Variants in ITSN2 observed in about 807,000 individuals in gnomAD.
The protein encoded by ITSN2 is intersectin-2.
ITSN2 carries 156 observed loss-of-function variants against 243.7 expected under a neutral mutation model. The ratio of observed to expected loss-of-function variants is 0.64; its 90% CI spans 0.56 to 0.73. The LOEUF (loss-of-function observed/expected upper bound fraction) is 0.73. ITSN2 is among the 30% of genes least tolerant of loss of function. The pLI is 0.00. For synonymous variants in ITSN2, 703 were observed against 699.9 expected, an observed-to-expected ratio of 1.00 and a Z score of -0.07; for missense variants, 1,801 against 1,996.1, an observed-to-expected ratio of 0.90 and a Z score of 1.86.
At chr2:24,303,385 G>A (rs984115938) in intron 9 of ITSN2, among the ~76,000 whole-genome samples, 8 of 152,134 alleles carry the variant, frequency 5.3e-5, no homozygotes, top group African/African-American at 1.9e-4. Context: ...AGTTTTTACC[G>A]AAAGTTTAAA....
At chr2:24,294,345 G>C (rs1031006142) in intron 14 of ITSN2, among the ~76,000 whole-genome samples, 2 of 152,236 alleles carry the variant, frequency 1.3e-5, no homozygotes, top group Non-Finnish European at 2.9e-5. Flanking sequence ...AGAATTGCTT[G>C]AGCCTGGGAG....
At position 24,275,764 on chromosome 2, in the gene ITSN2, C is replaced by A. The variant is rs762475583; in HGVS notation, c.2030G>T (p.Arg677Met). ...TTTCTGCATTAGTTCTAATCTTTTC[C>A]TTTCAATTTCCTTCAACTTGTCACG... ...IKRDKLKEIE[R>M]KRLELMQKKK... The change falls in exon 18 of 40, where the codon AGG becomes ATG. Residue 677 changes from arginine to methionine, a missense_variant. Physicochemically the swap from Arg to Met is moderately conservative, Grantham distance 91 (BLOSUM62 -1). Around this residue, in one of 5 missense-constraint regions of ITSN2, gnomAD observed 787 missense variants for 803.9 expected, o/e 0.98. Coordinates refer to ENST00000355123, the MANE Select transcript of ITSN2 (RefSeq NM_006277.3). The A allele has an allele frequency of 1.9e-5, 31 of 1,611,870 alleles. 1 individual carries two copies. The East Asian group carries it at 6.9e-4, about 36-fold the overall frequency.
chr2:24,339,508 CA>C (rs1322374051), intron 1 of ITSN2, among the ~76,000 whole-genome samples: 9 of 151,726 alleles, frequency 5.9e-5, no homozygotes, highest in Admixed American at 2.6e-4. Context: ...TTTAGAAACC[CA>C]GTAGTCTTCA....
intron 2 of ITSN2, among the ~76,000 whole-genome samples, chr2:24,315,912 T>C (rs1683862329): frequency 1.3e-5 from 2 of 152,204 alleles, no homozygotes; most frequent in African/African-American, 2.4e-5. Context: ...TCTCAGCTAG[T>C]TCTTTATAGC....
At chr2:24,326,712 C>A (rs1455654389) in intron 2 of ITSN2, 1 of 169,002 alleles carries the variant, frequency 5.9e-6, no homozygotes, top group Non-Finnish European at 1.5e-5. Context: ...ACAACAAAAT[C>A]TTTACTTCAA....
rs1274356109 is a variant in ITSN2 at position 24,320,594 on chromosome 2, AAT to A, written c.32-5372_32-5371del. On this transcript the variant is annotated intron_variant, in intron 2 of 39. Coordinates refer to ENST00000355123, the MANE Select transcript of ITSN2 (RefSeq NM_006277.3). ...GCCAGTGGTGGTGGCTCACACCTGT[AAT>A]CCCAGCTACTTGGGAGGCTGAGGTA... Among the ~76,000 whole-genome samples, 133 of 147,494 alleles carry A rather than the reference AAT, an allele frequency of 9.0e-4. 1 individual carries two copies. Among genetic ancestry groups the A allele is most frequent in the Middle Eastern group, 3.6e-3 (1 of 280 alleles).
At chr2:24,216,816 T>C (rs1056459045) in intron 31 of ITSN2, among the ~76,000 whole-genome samples, 1 of 152,004 alleles carries the variant, frequency 6.6e-6, no homozygotes, top group African/African-American at 2.4e-5. Flanking sequence ...CTGGGCATGG[T>C]GGCTCACGCC....
chr2:24,278,645 C>CTTTTT (rs908928502), intron 17 of ITSN2, among the ~76,000 whole-genome samples: 45 of 102,990 alleles, frequency 4.4e-4, no homozygotes, highest in East Asian at 5.7e-4. Context: ...TGTTCTCAAT[C>CTTTTT]TTTTTTTTTT....
chr2:24,259,041 A>G (rs999888045), intron 22 of ITSN2, among the ~76,000 whole-genome samples: 1 of 152,090 alleles, frequency 6.6e-6, no homozygotes, highest in African/African-American at 2.4e-5. Context: ...TTATCTCCTG[A>G]TCTCCAGACT....
intron 20 of ITSN2, among the ~76,000 whole-genome samples, chr2:24,269,615 C>G (rs573460816): frequency 1.2e-4 from 19 of 152,306 alleles, no homozygotes; most frequent in Non-Finnish European, 2.4e-4. Flanking sequence ...CCTTACCTTC[C>G]TTCCTCTACT....
At chr2:24,227,125 A>G (rs1007843592) in intron 29 of ITSN2, among the ~76,000 whole-genome samples, 3 of 152,114 alleles carry the variant, frequency 2.0e-5, no homozygotes, top group African/African-American at 7.2e-5. Context: ...CAAAAAAAGA[A>G]AAAGAAAAAC....
chr2:24,303,720 T>C, intron 9 of ITSN2, 79 bp downstream of exon 9: 2 of 944,538 alleles, frequency 2.1e-6, no homozygotes, highest in Non-Finnish European at 3.5e-6. Context: ...AACAGTATCT[T>C]TCTTGTAATA....
At chr2:24,206,856 G>T (rs1450369545) in intron 37 of ITSN2, among the ~76,000 whole-genome samples, 1 of 152,138 alleles carries the variant, frequency 6.6e-6, no homozygotes, top group Non-Finnish European at 1.5e-5. Flanking sequence ...AAGTCACACT[G>T]GTTAGGGCAA....
chr2:24,284,484 C>T lies in ITSN2; in HGVS notation c.1944+279G>A, dbSNP rs1050700619. On this transcript the variant is annotated intron_variant, in intron 17 of 39. Coordinates refer to ENST00000355123, the MANE Select transcript of ITSN2 (RefSeq NM_006277.3). The stretch of plus-strand genomic sequence containing the variant: ...AATCATCTTTATCAGTTAACCCACT[C>T]CCAGGGATGTTGTAAAGGAACCAGG... Among the ~76,000 whole-genome samples, 6 of 152,272 alleles carry T rather than the reference C, an allele frequency of 3.9e-5. No individual in the cohort carries two copies. The South Asian group carries it at 1.2e-3, about 32-fold the overall frequency.
intron 13 of ITSN2, 109 bp downstream of exon 13, chr2:24,298,556 A>T: frequency 9.6e-7 from 1 of 1,038,452 alleles, no homozygotes; most frequent in Non-Finnish European, 1.4e-6. Context: ...TTGGCCTCCC[A>T]AAGTGCTAGG....
chr2:24,275,486 G>A (rs771342880), intron 18 of ITSN2, among the ~76,000 whole-genome samples: 1 of 152,204 alleles, frequency 6.6e-6, no homozygotes, highest in South Asian at 2.1e-4. Flanking sequence ...AAGTGGAAGA[G>A]CAAGAATTCT....
rs774946179 is a variant in ITSN2, at chr2:24,286,301, A to G, written c.1774T>C (p.Cys592Arg). 9 of 1,607,558 alleles carry G rather than the reference A, an allele frequency of 5.6e-6. No homozygotes were observed. Among genetic ancestry groups the G allele is most frequent in the Non-Finnish European group, 6.8e-6 (8 of 1,174,492 alleles). ...TCTAACTGTTCTTTAAGTCTTTGGC[A>G]TAATTCTTCCTTTTCTAATGATTTT... Reference protein sequence around the residue: ...HKKSLEKEELCQRLKEQLDAL... With the variant: ...HKKSLEKEELRQRLKEQLDAL... The change falls in exon 16 of 40, where the codon TGC (cysteine) becomes CGC (arginine). Residue 592 changes from cysteine to arginine, a missense_variant. Cys to Arg is a radical substitution (Grantham distance 180). This residue lies in a region of ITSN2 where 787 missense variants were observed against 803.9 expected (regional missense o/e 0.98). Coordinates refer to ENST00000355123, the MANE Select transcript of ITSN2 (RefSeq NM_006277.3).
intron 37 of ITSN2, 119 bp downstream of exon 37, chr2:24,208,118 C>A: frequency 1.1e-6 from 1 of 870,596 alleles, no homozygotes. Flanking sequence ...CTGGTCTGAT[C>A]CCGCAGCAGG....
intron 16 of ITSN2, among the ~76,000 whole-genome samples, chr2:24,285,755 A>G (rs1005025842): frequency 2.6e-5 from 4 of 152,258 alleles, no homozygotes; most frequent in African/African-American, 9.6e-5. Context: ...ATTCTGTTCT[A>G]GATTTCACTG....
Sources: allele counts gnomAD v4.1 joint callset (sites outside exome capture counted in the v4.1 genomes callset), GRCh38; gene constraint gnomAD v4.1.1; regional missense constraint gnomAD v4.1.1; transcripts MANE v1.5; gene names NCBI Gene and HGNC (gene_info 2026-07-23, HGNC 2026-07-21).